CAMTA1: variants seen among roughly 807,000 people sequenced by gnomAD.
CAMTA1 encodes the protein calmodulin-binding transcription activator 1.
In CAMTA1, 27 loss-of-function variants were observed where a neutral mutation model predicts 170.9. The ratio of observed to expected loss-of-function variants is 0.16; its 90% CI spans 0.12 to 0.22. The LOEUF (loss-of-function observed/expected upper bound fraction) is 0.22, where lower values mean the gene tolerates loss of function less well. Among genes scored for constraint, CAMTA1 ranks in the 10% least tolerant of loss-of-function variants. CAMTA1 has a pLI of 1.00. For missense variants in CAMTA1, 1,619 were observed against 2,217.2 expected, an observed-to-expected ratio of 0.73 and a Z score of 5.42; for synonymous variants, 833 against 891.5, an observed-to-expected ratio of 0.93 and a Z score of 1.17.
intron 7 of CAMTA1, among the ~76,000 whole-genome samples, chr1:7,660,216 G>A (rs1003955913): frequency 6.6e-6 from 1 of 152,214 alleles, no homozygotes; most frequent in African/African-American, 2.4e-5. Context: ...TTACAGGCAT[G>A]TGCCACCACG....
chr1:6,960,648 G>A (rs1053907877), intron 3 of CAMTA1, among the ~76,000 whole-genome samples: 2 of 152,200 alleles, frequency 1.3e-5, no homozygotes, highest in Admixed American at 6.5e-5. Flanking sequence ...CATCGGACAC[G>A]GATTTATGTG....
At chr1:7,058,735 A>C (rs1238688987) in intron 3 of CAMTA1, among the ~76,000 whole-genome samples, 2 of 152,184 alleles carry the variant, frequency 1.3e-5, no homozygotes, top group Non-Finnish European at 2.9e-5. Context: ...AGGACTTATT[A>C]AAATCTGCTC....
intron 16 of CAMTA1, among the ~76,000 whole-genome samples, chr1:7,744,562 G>A (rs539303829): frequency 2.7e-4 from 41 of 152,294 alleles, no homozygotes; most frequent in Non-Finnish European, 4.7e-4. Context: ...GACCCTGAGA[G>A]TAGGGAGTAC....
intron 4 of CAMTA1, among the ~76,000 whole-genome samples, chr1:7,198,298 C>G (rs1431685029): frequency 1.3e-5 from 2 of 151,978 alleles, no homozygotes; most frequent in African/African-American, 4.8e-5. Context: ...GGTGGGCTCA[C>G]CACAGTTTGC....
chr1:6,947,266 G>A (rs570870538), intron 3 of CAMTA1, among the ~76,000 whole-genome samples: 7 of 152,094 alleles, frequency 4.6e-5, no homozygotes, highest in East Asian at 1.9e-4. Flanking sequence ...ACTTCTTTTC[G>A]CTTTTTCAAA....
intron 6 of CAMTA1, among the ~76,000 whole-genome samples, chr1:7,629,827 C>T (rs553096979): frequency 1.6e-4 from 24 of 152,156 alleles, no homozygotes; most frequent in African/African-American, 5.1e-4. Context: ...CCTGCAACAA[C>T]TGTGGACCAG....
At chr1:7,363,062 A>G (rs970113481) in intron 5 of CAMTA1, among the ~76,000 whole-genome samples, 5 of 152,226 alleles carry the variant, frequency 3.3e-5, no homozygotes, top group Non-Finnish European at 7.3e-5. Context: ...AGAAGAAGAA[A>G]GACATTGCGG....
chr1:7,361,933 T>C (rs2085568777), intron 5 of CAMTA1, among the ~76,000 whole-genome samples: 1 of 152,216 alleles, frequency 6.6e-6, no homozygotes, highest in Non-Finnish European at 1.5e-5. Flanking sequence ...GGGGTCCTCT[T>C]TGAAGAAGAA....
At chr1:7,276,303 A>ATTTTTTTTTTTTT (rs1180773965) in intron 5 of CAMTA1, among the ~76,000 whole-genome samples, 11 of 24,226 alleles carry the variant, frequency 4.5e-4, no homozygotes, top group East Asian at 4.5e-3. Flanking sequence ...ATATATATAT[A>ATTTTTTTTTTTTT]TTTTTTTTTT....
chr1:6,921,506 C>G (rs1000073657), intron 3 of CAMTA1, among the ~76,000 whole-genome samples: 2 of 152,250 alleles, frequency 1.3e-5, no homozygotes, highest in African/African-American at 2.4e-5. Flanking sequence ...TCCAAAGTCA[C>G]TTCCACATTT....
At chr1:6,786,889 G>A (rs1313744287) in intron 1 of CAMTA1, among the ~76,000 whole-genome samples, 3 of 152,176 alleles carry the variant, frequency 2.0e-5, no homozygotes, top group Non-Finnish European at 2.9e-5. Flanking sequence ...GAGGAAGACC[G>A]GGGTATATTT....
At chr1:7,393,412 T>G (rs1186397422) in intron 5 of CAMTA1, among the ~76,000 whole-genome samples, 1 of 152,126 alleles carries the variant, frequency 6.6e-6, no homozygotes, top group African/African-American at 2.4e-5. Context: ...ACCACAGGCA[T>G]GCACCACCAC....
At chr1:7,707,748 A>G (rs1289916061) in intron 11 of CAMTA1, among the ~76,000 whole-genome samples, 1 of 152,230 alleles carries the variant, frequency 6.6e-6, no homozygotes, top group Non-Finnish European at 1.5e-5. Context: ...AGAAGTGCTT[A>G]TTAGCCTGCT....
chr1:7,766,566 A>G lies in CAMTA1; in HGVS notation c.*75A>G, dbSNP rs1229522788. ...TTTCATTTCTGTTTTTAGCAGAGACATGCAACAACAACACACACGCACACA... is the reference window on the plus strand; with the variant it reads ...TTTCATTTCTGTTTTTAGCAGAGACGTGCAACAACAACACACACGCACACA... On this transcript the variant is annotated 3_prime_UTR_variant, in exon 23 of 23. Coordinates refer to ENST00000303635, the MANE Select transcript of CAMTA1 (RefSeq NM_015215.4). 2 of 1,319,468 alleles carry G rather than the reference A, an allele frequency of 1.5e-6. No homozygotes were observed. Among genetic ancestry groups the G allele is most frequent in the African/African-American group, 1.4e-5 (1 of 69,226 alleles). 81.7% of individuals were successfully genotyped at this position (1,319,468 alleles called of 1,614,324 possible).
intron 6 of CAMTA1, among the ~76,000 whole-genome samples, chr1:7,500,594 T>C (rs1471877399): frequency 6.6e-6 from 1 of 152,090 alleles, no homozygotes; most frequent in Non-Finnish European, 1.5e-5. Context: ...GGCCCGTGGG[T>C]CCTGCCCGCT....
At chr1:7,012,559 A>T (rs1445093381) in intron 3 of CAMTA1, among the ~76,000 whole-genome samples, 1 of 151,316 alleles carries the variant, frequency 6.6e-6, no homozygotes, top group Non-Finnish European at 1.5e-5. Context: ...TTGCAGGCAG[A>T]CTCTTGGAGA....
At chr1:7,717,991 A>T (rs1373429684) in intron 11 of CAMTA1, among the ~76,000 whole-genome samples, 1 of 152,212 alleles carries the variant, frequency 6.6e-6, no homozygotes, top group African/African-American at 2.4e-5. Context: ...GGCCTCAGGA[A>T]TGTAGCGGTG....
chr1:7,187,449 TAAC>T (rs1440166678), intron 4 of CAMTA1, among the ~76,000 whole-genome samples: 1 of 152,198 alleles, frequency 6.6e-6, no homozygotes, highest in Non-Finnish European at 1.5e-5. Context: ...CGTCGTTACT[TAAC>T]AAAATAAAAA....
chr1:7,365,389 T>C (rs1473838412), intron 5 of CAMTA1, among the ~76,000 whole-genome samples: 1 of 152,228 alleles, frequency 6.6e-6, no homozygotes, highest in Non-Finnish European at 1.5e-5. Flanking sequence ...GTGCTATTAC[T>C]GGGCTATTAC....
Sources: gnomAD v4.1 joint callset for allele counts (sites outside exome capture counted in the v4.1 genomes callset) on GRCh38, gnomAD v4.1.1 for gene constraint, MANE v1.5 for transcripts, NCBI Gene and HGNC (gene_info 2026-07-23, HGNC 2026-07-21) for gene names.